Variants in EMC3 observed in about 807,000 individuals in gnomAD.
The protein encoded by EMC3 is ER membrane protein complex subunit 3.
EMC3 carries 13 observed loss-of-function variants against 36.6 expected under a neutral mutation model. The observed-to-expected ratio is 0.35, with a 90% confidence interval of 0.23 to 0.56. EMC3 has a LOEUF of 0.56. Ranked by LOEUF, EMC3 falls within the 20% of genes least tolerant of loss-of-function variation. The probability of loss-of-function intolerance (pLI) is 0.84; values close to 1 mark genes in which losing one functional copy is unlikely to be tolerated. For synonymous variants in EMC3, 120 were observed against 111.9 expected (o/e 1.07, Z -0.46); for missense variants, 220 against 324.5 (o/e 0.68, Z 2.47).
chr3:10,000,257 C>T (rs67259233), intron 1 of EMC3, among the ~76,000 whole-genome samples: 33,217 of 151,890 alleles, frequency 0.22, 4,204 homozygotes, highest in African/African-American at 0.35. Context: ...CCAGGCTGGT[C>T]TCGAACTCCT....
chr3:9,990,389 C>CGGTGACAGCATCA (rs1373566635), upstream of EMC3, among the ~76,000 whole-genome samples: 3 of 132,412 alleles, frequency 2.3e-5, no homozygotes, highest in Admixed American at 8.5e-5. Flanking sequence ...AGGTGGAGTG[C>CGGTGACAGCATCA]GGTGACAGCA....
intron 1 of EMC3, chr3:9,978,394 C>A (rs2085873188): frequency 6.6e-6 from 1 of 151,096 alleles, no homozygotes; most frequent in African/African-American, 2.4e-5. Context: ...ATGCAAATGA[C>A]AAAACAGAGA....
intron 1 of EMC3, among the ~76,000 whole-genome samples, chr3:9,981,948 AAT>A (rs2085916398): frequency 6.9e-6 from 1 of 145,854 alleles, no homozygotes; most frequent in African/African-American, 2.7e-5. Flanking sequence ...TGTTAAAAAA[AAT>A]TTTTTTTTTT....
At chr3:9,994,321 C>A in intron 1 of EMC3, 1 of 910,088 alleles carries the variant, frequency 1.1e-6, no homozygotes, top group Non-Finnish European at 1.8e-6. Flanking sequence ...ATACTGCCAG[C>A]AGGTATGTTG....
chr3:9,988,501 A>G, upstream of EMC3: 1 of 1,156,558 alleles, frequency 8.6e-7, no homozygotes, highest in Non-Finnish European at 1.3e-6. Flanking sequence ...AACTTTGATT[A>G]TCAAGGAGGA....
rs776931918 is a variant in EMC3 at position 9,969,743 on chromosome 3, G to A, written c.633C>T (p.Pro211=). 43 of 1,613,912 alleles carry A rather than the reference G, an allele frequency of 2.7e-5. No homozygotes were observed. Among genetic ancestry groups the A allele is most frequent in the Middle Eastern group, 3.3e-4 (2 of 6,014 alleles). The change falls in exon 7 of 8, where the codon CCC becomes CCT. Residue 211 remains proline (P), a synonymous_variant. Transcript: ENST00000245046. ...EQMTGAAMAM[P]ADTNKAFKTE... ...CCTTGAAAGCTTTGTTTGTGTCTGC[G>A]GGCATGGCCATGGCTGCTCCCGTCA...
chr3:9,992,917 C>T, intron 1 of EMC3: 2 of 1,610,376 alleles, frequency 1.2e-6, no homozygotes, highest in South Asian at 1.1e-5. Context: ...AATACTCAGA[C>T]AAAGAAGTAC....
At chr3:9,977,603 C>T (rs563082041) in intron 1 of EMC3, among the ~76,000 whole-genome samples, 157 bp from the exon 2 acceptor site, 3 of 152,296 alleles carry the variant, frequency 2.0e-5, no homozygotes, top group South Asian at 2.1e-4. Flanking sequence ...TTAAAACCAA[C>T]GTAAACTTAT....
intron 5 of EMC3, among the ~76,000 whole-genome samples, chr3:9,971,449 A>G (rs2085784439): frequency 6.6e-6 from 1 of 152,220 alleles, no homozygotes; most frequent in Non-Finnish European, 1.5e-5. Flanking sequence ...ACTCATTCCA[A>G]CAAGTGGGTC....
At position 9,978,786 on chromosome 3, in the gene EMC3, A is replaced by T. The variant is rs142958166; in HGVS notation, c.156-1340T>A. The stretch of plus-strand genomic sequence containing the variant: ...TAGGGGGTTGCAGTGAGCCGAGACG[A>T]CGCCATTGCACTCCAGCCTGGGGTG... On this transcript the variant is annotated intron_variant, in intron 1 of 7. Coordinates refer to ENST00000245046, the MANE Select transcript of EMC3 (RefSeq NM_001394674.1). Among the ~76,000 whole-genome samples the T allele has an allele frequency of 3.1e-3, 474 of 152,100 alleles. 6 individuals carry two copies. Among genetic ancestry groups the T allele is most frequent in the African/African-American group, 0.011 (455 of 41,492 alleles).
intron 2 of EMC3, 67 bp from the exon 3 acceptor site, chr3:9,977,117 C>T (rs376567333): frequency 7.9e-7 from 1 of 1,269,668 alleles, no homozygotes; most frequent in East Asian, 2.3e-5. Flanking sequence ...TAAATTACTC[C>T]CCAGTGGCTT....
At chr3:9,982,703 C>T (rs573088754) in intron 1 of EMC3, among the ~76,000 whole-genome samples, 9 of 151,868 alleles carry the variant, frequency 5.9e-5, no homozygotes. Context: ...GCCTGGGCAA[C>T]GGAGGAGACC....
In EMC3 at chr3:9,986,734, G is replaced by A; in HGVS notation, c.-73C>T. The A allele has an allele frequency of 1.9e-6, 3 of 1,587,396 alleles. No homozygotes were observed. The highest frequency in any genetic ancestry group is 2.6e-6 in the Non-Finnish European group (3 of 1,166,554). On this transcript the variant is annotated 5_prime_UTR_variant, in exon 1 of 8. Transcript: ENST00000245046. ...TCCGGGGCACAGTTGCTTCTCTTCG[G>A]CTTCGCCTCCGGGCCTTCTCAAGCC... is the stretch of plus-strand genomic sequence containing the variant.
chr3:10,002,755 A>G (rs1402620464), intron 1 of EMC3: 7 of 449,522 alleles, frequency 1.6e-5, no homozygotes, highest in Non-Finnish European at 1.3e-5. Context: ...GCACAACTGG[A>G]TACACCCAGA....
In EMC3 at chr3:9,984,931, A is replaced by G. The variant is rs140648143; in HGVS notation, c.155+1576T>C. 1.1e-3 allele frequency among the ~76,000 whole-genome samples: 164 copies of G among 152,372 alleles called. 2 individuals are homozygous for G. The East Asian group carries it at 0.022, about 21-fold the overall frequency. ...GCCTCTGTTTCTATAAAATGAGACA[A>G]TATGTACCTCATAGAGTTGCTTTGA... On this transcript the variant is annotated intron_variant, in intron 1 of 7. Coordinates refer to ENST00000245046, the MANE Select transcript of EMC3 (RefSeq NM_001394674.1).
intron 7 of EMC3, among the ~76,000 whole-genome samples, chr3:9,968,082 C>T (rs1401558489): frequency 6.6e-6 from 1 of 152,190 alleles, no homozygotes. Context: ...CCACCATGCA[C>T]AGCTAATTTT....
At chr3:10,003,196 ATGTCCC>A in intron 1 of EMC3, 1 of 456,694 alleles carries the variant, frequency 2.2e-6, no homozygotes, top group South Asian at 1.5e-5. Context: ...AGACCCAGAA[ATGTCCC>A]TGACACAGCA....
chr3:9,972,230 G>GA (rs3836465), intron 5 of EMC3, among the ~76,000 whole-genome samples: 110 of 146,310 alleles, frequency 7.5e-4, no homozygotes, highest in Middle Eastern at 3.5e-3. Context: ...ATGTACTTTG[G>GA]AAAAAAAAAA....
Position 9,986,770 on chromosome 3 carries a change from T to A in EMC3, c.-109A>T. 1 of 1,533,764 alleles carries A rather than the reference T, an allele frequency of 6.5e-7. No individual in the cohort carries two copies. The highest frequency in any genetic ancestry group is 1.3e-5 in the South Asian group (1 of 79,516). On this transcript the variant is annotated 5_prime_UTR_variant, in exon 1 of 8. Coordinates refer to ENST00000245046, the MANE Select transcript of EMC3 (RefSeq NM_001394674.1). ...GGGCCTTCTCAAGCCCCTTTGCCCG[T>A]GTACCCCAGAACTCTCCTGCGACTG...
Sources: gnomAD v4.1 joint callset for allele counts (sites outside exome capture counted in the v4.1 genomes callset) on GRCh38, gnomAD v4.1.1 for gene constraint, MANE v1.5 for transcripts, NCBI Gene and HGNC (gene_info 2026-07-23, HGNC 2026-07-21) for gene names.